Variants in GRM3 observed in about 807,000 individuals in gnomAD.
GRM3 encodes glutamate metabotropic receptor 3, also known as metabotropic glutamate receptor 3.
In GRM3, 26 loss-of-function variants were observed where a neutral mutation model predicts 70.5. The ratio of observed to expected loss-of-function variants is 0.37; its 90% CI spans 0.27 to 0.51. The LOEUF (loss-of-function observed/expected upper bound fraction) is 0.51. Among genes scored for constraint, GRM3 ranks in the 20% least tolerant of loss-of-function variants. GRM3 has a pLI of 0.93. For missense variants in GRM3, 859 were observed against 1,123.8 expected (o/e 0.76, Z 3.37); for synonymous variants, 443 against 434.9 (o/e 1.02, Z -0.23).
chr7:86,657,421 C>T (rs1314014818), intron 1 of GRM3, among the ~76,000 whole-genome samples: 2 of 152,118 alleles, frequency 1.3e-5, no homozygotes, highest in African/African-American at 2.4e-5. Context: ...GTCCTGGGCT[C>T]TAAAAAATTA....
chr7:86,754,077 G>T (rs898601421), intron 1 of GRM3, among the ~76,000 whole-genome samples: 1 of 151,986 alleles, frequency 6.6e-6, no homozygotes, highest in African/African-American at 2.4e-5. Flanking sequence ...GTTCCATTAC[G>T]CCAGGTTTAA....
Position 86,786,398 on chromosome 7 carries a change from T to C in GRM3, c.606T>C (p.Ala202=). The change falls in exon 3 of 6, where the codon GCT becomes GCC. Residue 202 remains alanine (A), a synonymous_variant. Coordinates refer to ENST00000361669, the MANE Select transcript of GRM3 (RefSeq NM_000840.3). This position sits in a 1 kb window ranked among gnomAD's most constrained non-coding sequence, Gnocchi z 6.0. The part of the protein sequence containing the change: ...PPDFYQAKAM[A]EILRFFNWTY... Reference sequence around the variant, plus strand: ...ACTTCTACCAGGCCAAAGCCATGGCTGAGATCTTGCGCTTCTTCAACTGGA... The same window carrying C: ...ACTTCTACCAGGCCAAAGCCATGGCCGAGATCTTGCGCTTCTTCAACTGGA... 1.2e-6 allele frequency: 2 copies of C among 1,614,120 alleles called. No individual in the cohort carries two copies. Among genetic ancestry groups the C allele is most frequent in the Non-Finnish European group, 1.7e-6 (2 of 1,179,974 alleles).
At chr7:86,659,213 T>G (rs1315648016) in intron 1 of GRM3, among the ~76,000 whole-genome samples, 1 of 152,194 alleles carries the variant, frequency 6.6e-6, no homozygotes, top group African/African-American at 2.4e-5. Context: ...TAAATGCAGT[T>G]TGTGGCAATA....
At chr7:86,817,981 A>T (rs1200033842) in intron 3 of GRM3, among the ~76,000 whole-genome samples, 1 of 151,840 alleles carries the variant, frequency 6.6e-6, no homozygotes, top group Non-Finnish European at 1.5e-5. Flanking sequence ...CATATATACA[A>T]CATACGCTGA....
chr7:86,842,169 A>G (rs1798569942), intron 4 of GRM3, among the ~76,000 whole-genome samples: 1 of 152,150 alleles, frequency 6.6e-6, no homozygotes, highest in African/African-American at 2.4e-5. Flanking sequence ...GGATTTTTCA[A>G]AGCTTCCCAG....
intron 2 of GRM3, among the ~76,000 whole-genome samples, chr7:86,785,649 T>C (rs1797211319): frequency 6.7e-6 from 1 of 148,598 alleles, no homozygotes; most frequent in African/African-American, 2.5e-5. Flanking sequence ...GAAAAGCGTA[T>C]GCCTAAAATG....
chr7:86,839,936 G>A lies in GRM3; in HGVS notation c.2391+31G>A, dbSNP rs1232773873. ...TCTTTGATTGTTTCTTATTTTTCTTGTTCTTTCTCCTCCAGTGTTTCTTGT... is the reference window on the plus strand; with the variant it reads ...TCTTTGATTGTTTCTTATTTTTCTTATTCTTTCTCCTCCAGTGTTTCTTGT... On this transcript the variant is annotated intron_variant, in intron 4 of 5. Transcript: ENST00000361669. This position sits in a 1 kb window ranked among gnomAD's most constrained non-coding sequence, Gnocchi z 4.5. 2 of 1,250,384 alleles carry A rather than the reference G, an allele frequency of 1.6e-6. No homozygotes were observed. The highest frequency in any genetic ancestry group is 2.3e-6 in the Non-Finnish European group (2 of 854,376). 77.5% of individuals were successfully genotyped at this position (1,250,384 alleles called of 1,614,324 possible).
chr7:86,821,449 G>A (rs1235089679), intron 3 of GRM3, among the ~76,000 whole-genome samples: 1 of 152,158 alleles, frequency 6.6e-6, no homozygotes, highest in African/African-American at 2.4e-5. Flanking sequence ...AGGTACTCTA[G>A]CAGTCAAGCT....
At chr7:86,680,077 T>C (rs1794407276) in intron 1 of GRM3, among the ~76,000 whole-genome samples, 1 of 152,140 alleles carries the variant, frequency 6.6e-6, no homozygotes, top group African/African-American at 2.4e-5. Flanking sequence ...CTGACTGTCC[T>C]TTGCAGTATT....
intron 1 of GRM3, among the ~76,000 whole-genome samples, chr7:86,752,031 C>T (rs2116363571): frequency 6.6e-6 from 1 of 152,204 alleles, no homozygotes; most frequent in African/African-American, 2.4e-5. Context: ...GTGTAATATA[C>T]ATACAGAAAA....
At chr7:86,861,821 C>A (rs1391011562) in intron 5 of GRM3, among the ~76,000 whole-genome samples, 1 of 152,168 alleles carries the variant, frequency 6.6e-6, no homozygotes, top group Non-Finnish European at 1.5e-5. Flanking sequence ...ATGTAGGTGA[C>A]TTGTATTTTA....
At chr7:86,845,659 A>C (rs1798641047) in intron 4 of GRM3, among the ~76,000 whole-genome samples, 1 of 152,142 alleles carries the variant, frequency 6.6e-6, no homozygotes, top group Non-Finnish European at 1.5e-5. Flanking sequence ...ATTTTCCTTA[A>C]TCAGCTAAAA....
chr7:86,847,494 A>T (rs1346160654), intron 4 of GRM3, among the ~76,000 whole-genome samples: 2 of 152,194 alleles, frequency 1.3e-5, no homozygotes, highest in Non-Finnish European at 2.9e-5. Flanking sequence ...CTAGAAGCCC[A>T]CAGTATAGGT....
At position 86,786,940 on chromosome 7, in the gene GRM3, A is replaced by G. The variant is rs1279624171; in HGVS notation, c.1148A>G (p.Asn383Ser). The change falls in exon 3 of 6, where the codon AAC becomes AGC. Residue 383 changes from asparagine to serine, a missense_variant. Physicochemically the swap from Asn to Ser is conservative, Grantham distance 46. Coordinates refer to ENST00000361669, the MANE Select transcript of GRM3 (RefSeq NM_000840.3). The surrounding 1 kb of genome is among the most constrained non-coding windows in gnomAD (Gnocchi z 6.0). Reference sequence around the variant, plus strand: ...AAGCACCTGGCCATCGACAGCAGCAACTACGAGCAAGAGTCCAAGATCATG... The same window carrying G: ...AAGCACCTGGCCATCGACAGCAGCAGCTACGAGCAAGAGTCCAAGATCATG... ...CDKHLAIDSS[N>S]YEQESKIMFV... 2 of 1,614,226 alleles carry G rather than the reference A, an allele frequency of 1.2e-6. No homozygotes were observed. Among genetic ancestry groups the G allele is most frequent in the Non-Finnish European group, 1.7e-6 (2 of 1,180,010 alleles).
chr7:86,688,133 T>C (rs1188926318), intron 1 of GRM3, among the ~76,000 whole-genome samples: 1 of 151,572 alleles, frequency 6.6e-6, no homozygotes, highest in Non-Finnish European at 1.5e-5. Context: ...TCGAATATAA[T>C]TTGTCAATTA....
chr7:86,722,806 GAAC>G (rs1488733476), intron 1 of GRM3, among the ~76,000 whole-genome samples: 1 of 152,018 alleles, frequency 6.6e-6, no homozygotes, highest in East Asian at 1.9e-4. Flanking sequence ...GCAAATTTGA[GAAC>G]AACTCCTCTT....
chr7:86,710,041 C>A (rs576778774), intron 1 of GRM3: 4 of 152,044 alleles, frequency 2.6e-5, no homozygotes, highest in Admixed American at 2.6e-4. Flanking sequence ...CAAATTAAAG[C>A]GAGCATTTTC....
rs1796076979 is a variant in GRM3 at position 86,745,302 on chromosome 7, G to A, written c.-140-19704G>A. Among the ~76,000 whole-genome samples, 3 of 152,118 alleles carry A rather than the reference G, an allele frequency of 2.0e-5. No individual in the cohort carries two copies. The South Asian group carries it at 6.2e-4, about 32-fold the overall frequency. On this transcript the variant is annotated intron_variant, in intron 1 of 5. Coordinates refer to ENST00000361669, the MANE Select transcript of GRM3 (RefSeq NM_000840.3). ...TTATTCATGGCCATGCTGCTGAGTG[G>A]AATGTGACATTGGCCAAAGGATAAA...
At position 86,799,627 on chromosome 7, in the gene GRM3, C is replaced by T. The variant is rs550684996; in HGVS notation, c.1324+12511C>T. Among the ~76,000 whole-genome samples, 76 of 152,078 alleles carry T rather than the reference C, an allele frequency of 5.0e-4. 1 individual carries two copies. Among genetic ancestry groups the T allele is most frequent in the African/African-American group, 6.5e-4 (27 of 41,494 alleles). ...CTGCAAGCTCCGCCTCCTGGGTTCACGCCATTCTCCTGCCCTAGCCTCCCG... is the reference window on the plus strand; with the variant it reads ...CTGCAAGCTCCGCCTCCTGGGTTCATGCCATTCTCCTGCCCTAGCCTCCCG... On this transcript the variant is annotated intron_variant, in intron 3 of 5. Transcript: ENST00000361669.
Sources: gnomAD v4.1 joint callset for allele counts (sites outside exome capture counted in the v4.1 genomes callset) on GRCh38, gnomAD v4.1.1 for gene constraint, Gnocchi (gnomAD v3.1) non-coding constraint, MANE v1.5 for transcripts, NCBI Gene and HGNC (gene_info 2026-07-23, HGNC 2026-07-21) for gene names.